Variants in PPP2R2B observed in about 807,000 individuals in gnomAD.
The protein encoded by PPP2R2B is protein phosphatase 2 regulatory subunit Bbeta, also known as serine/threonine-protein phosphatase 2A 55 kDa regulatory subunit B beta isoform.
In PPP2R2B, 5 loss-of-function variants were observed where a neutral mutation model predicts 46.0. That is an observed-to-expected ratio of 0.11 (90% confidence interval 0.06 to 0.23). The LOEUF is 0.23. Among genes scored for constraint, PPP2R2B ranks in the 10% least tolerant of loss-of-function variants. The pLI is 1.00. For synonymous variants in PPP2R2B, 215 were observed against 206.7 expected, an observed-to-expected ratio of 1.04 and a Z score of -0.34; for missense variants, 367 against 575.0, an observed-to-expected ratio of 0.64 and a Z score of 3.70.
At chr5:146,649,845 A>G (rs187365590) in intron 6 of PPP2R2B, among the ~76,000 whole-genome samples, 2 of 152,286 alleles carry the variant, frequency 1.3e-5, no homozygotes, top group East Asian at 1.9e-4. Context: ...TTATTAATAT[A>G]AAGAGGCATG....
At chr5:146,742,860 A>T (rs1376443749) in intron 2 of PPP2R2B, among the ~76,000 whole-genome samples, 1 of 152,184 alleles carries the variant, frequency 6.6e-6, no homozygotes, top group African/African-American at 2.4e-5. Context: ...GGAGAATAGC[A>T]CATGAAGGCG....
intron 2 of PPP2R2B, among the ~76,000 whole-genome samples, chr5:146,782,842 G>T (rs1203615471): frequency 6.6e-6 from 1 of 151,934 alleles, no homozygotes; most frequent in African/African-American, 2.4e-5. Context: ...AAAGAAAGAA[G>T]AGAGGAGAGA....
intron 2 of PPP2R2B, among the ~76,000 whole-genome samples, chr5:146,745,617 C>T (rs1481461613): frequency 1.3e-5 from 2 of 152,118 alleles, no homozygotes; most frequent in Non-Finnish European, 2.9e-5. Flanking sequence ...AACTGCTTGC[C>T]TTCTGGCATG....
chr5:146,819,448 A>G (rs1312990510), intron 2 of PPP2R2B, among the ~76,000 whole-genome samples: 2 of 152,320 alleles, frequency 1.3e-5, no homozygotes, highest in East Asian at 3.9e-4. Flanking sequence ...AAGAGCTGAA[A>G]TGGAATACAA....
At chr5:146,900,720 A>G (rs749487121) in intron 1 of PPP2R2B, among the ~76,000 whole-genome samples, 88 of 151,820 alleles carry the variant, frequency 5.8e-4, no homozygotes, top group Non-Finnish European at 1.1e-3. Context: ...TGCTGTGCCC[A>G]TCAACCCATT....
intron 3 of PPP2R2B, among the ~76,000 whole-genome samples, chr5:146,700,479 G>T (rs1779465881): frequency 6.6e-6 from 1 of 152,110 alleles, no homozygotes; most frequent in Non-Finnish European, 1.5e-5. Flanking sequence ...GCTCAGAAAT[G>T]GTCCTATATG....
chr5:146,952,672 C>A (rs1030454264), intron 1 of PPP2R2B, among the ~76,000 whole-genome samples: 2 of 152,134 alleles, frequency 1.3e-5, no homozygotes, highest in Admixed American at 1.3e-4. Context: ...CCGTTGCTTG[C>A]AACTGAAGAA....
rs536503340 is a variant in PPP2R2B at position 146,745,890 on chromosome 5, G to A, written c.71-44748C>T. On this transcript the variant is annotated intron_variant, in intron 2 of 9. Transcript: ENST00000394411. ...GGAGAATTGCTTGAACCCAGGAGGCGGAGGCTGCAGTGAGCCAAGATTGTG... is the reference window on the plus strand; with the variant it reads ...GGAGAATTGCTTGAACCCAGGAGGCAGAGGCTGCAGTGAGCCAAGATTGTG... 7.2e-5 allele frequency among the ~76,000 whole-genome samples: 11 copies of A among 152,080 alleles called. No individual in the cohort carries two copies. In the East Asian group the frequency reaches 1.9e-3, roughly 27 times the overall value.
intron 2 of PPP2R2B, among the ~76,000 whole-genome samples, chr5:146,847,898 C>T (rs1170081165): frequency 6.6e-6 from 1 of 152,174 alleles, no homozygotes; most frequent in African/African-American, 2.4e-5. Context: ...GCTCCTGCGG[C>T]TTGGCTTGGC....
chr5:146,893,198 G>C (rs1478001440), intron 1 of PPP2R2B, among the ~76,000 whole-genome samples: 2 of 152,102 alleles, frequency 1.3e-5, no homozygotes, highest in East Asian at 3.8e-4. Context: ...AGTAACTACT[G>C]TCTCCTACTT....
At position 146,794,310 on chromosome 5, in the gene PPP2R2B, C is replaced by A. The variant is rs941668212; in HGVS notation, c.70+83692G>T. ...TTAGTCATGTTAGTAAATAAAATAA[C>A]CTTGAACTTTGCAGAGCAAATGGTA... On this transcript the variant is annotated intron_variant, in intron 2 of 9. Transcript: ENST00000394411. Among the ~76,000 whole-genome samples, 5 of 152,214 alleles carry A rather than the reference C, an allele frequency of 3.3e-5. No homozygotes were observed. In the East Asian group the frequency reaches 5.8e-4, roughly 18 times the overall value.
chr5:146,870,485 C>A (rs2151408632), intron 2 of PPP2R2B, among the ~76,000 whole-genome samples: 1 of 152,332 alleles, frequency 6.6e-6, no homozygotes, highest in Non-Finnish European at 1.5e-5. Flanking sequence ...AGAGAGAACT[C>A]ACCAGAAACC....
chr5:146,928,138 G>C (rs1292301513), intron 1 of PPP2R2B, among the ~76,000 whole-genome samples: 1 of 152,124 alleles, frequency 6.6e-6, no homozygotes, highest in Non-Finnish European at 1.5e-5. Context: ...TGAGGAACAT[G>C]TCTTTTTTTA....
intron 7 of PPP2R2B, among the ~76,000 whole-genome samples, chr5:146,600,953 C>A (rs1771724552): frequency 6.6e-6 from 1 of 152,162 alleles, no homozygotes; most frequent in Non-Finnish European, 1.5e-5. Flanking sequence ...CAGTTACTTT[C>A]CATTCCCTGC....
chr5:146,850,036 G>A (rs1361670939), intron 2 of PPP2R2B, among the ~76,000 whole-genome samples: 2 of 152,152 alleles, frequency 1.3e-5, no homozygotes, highest in African/African-American at 4.8e-5. Flanking sequence ...CTAAAGTGAT[G>A]CATCAGCTGG....
At chr5:146,812,793 GTATATATATATATATA>G (rs1201054676) in intron 2 of PPP2R2B, among the ~76,000 whole-genome samples, 1 of 12,110 alleles carries the variant, frequency 8.3e-5, no homozygotes, top group Non-Finnish European at 1.6e-4. Flanking sequence ...GTATATGTGT[GTATATATATATATATA>G]TATATATATA....
chr5:146,982,806 T>C (rs1343920880), intron 1 of PPP2R2B, among the ~76,000 whole-genome samples: 1 of 152,158 alleles, frequency 6.6e-6, no homozygotes, highest in Non-Finnish European at 1.5e-5. Flanking sequence ...TCTCTTTAAA[T>C]TTATTTGCTT....
chr5:146,953,081 A>T (rs17105766), intron 1 of PPP2R2B, among the ~76,000 whole-genome samples: 24,144 of 152,156 alleles, frequency 0.16, 2,374 homozygotes, highest in East Asian at 0.4. Flanking sequence ...AATGGCTGAT[A>T]CTCAGTTACA....
At chr5:146,847,886 G>A (rs1048839488) in intron 2 of PPP2R2B, among the ~76,000 whole-genome samples, 2 of 152,174 alleles carry the variant, frequency 1.3e-5, no homozygotes, top group South Asian at 2.1e-4. Flanking sequence ...CAGGGGATAC[G>A]AGCTCCTGCG....
Sources: allele counts gnomAD v4.1 joint callset (sites outside exome capture counted in the v4.1 genomes callset), GRCh38; gene constraint gnomAD v4.1.1; transcripts MANE v1.5; gene names NCBI Gene and HGNC (gene_info 2026-07-23, HGNC 2026-07-21).